CEP170B: variants seen among roughly 807,000 people sequenced by gnomAD.
CEP170B encodes the protein centrosomal protein of 170 kDa protein B.
In CEP170B, 55 loss-of-function variants were observed where a neutral mutation model predicts 120.6. The ratio of observed to expected loss-of-function variants is 0.46; its 90% confidence interval spans 0.37 to 0.57. The LOEUF (loss-of-function observed/expected upper bound fraction) is 0.57, where lower values mean the gene tolerates loss of function less well. Ranked by LOEUF, CEP170B falls within the 20% of genes least tolerant of loss-of-function variation. The pLI is 0.00. For missense variants in CEP170B, 2,212 were observed against 2,253.3 expected, an observed-to-expected ratio of 0.98 and a Z score of 0.37; for synonymous variants, 1,033 against 954.5, an observed-to-expected ratio of 1.08 and a Z score of -1.52.
chr14:104,889,559 G>A (rs777039158), intron 12 of CEP170B, 61 bp from the exon 13 acceptor site: 7 of 1,601,506 alleles, frequency 4.4e-6, no homozygotes, highest in Non-Finnish European at 5.9e-6. Context: ...GTCCACCTCT[G>A]AGGAGGAGTA....
chr14:104,878,357 T>C, intron 4 of CEP170B, 86 bp from the exon 5 acceptor site: 1 of 1,394,420 alleles, frequency 7.2e-7, no homozygotes, highest in South Asian at 1.2e-5. Context: ...GATGGGCCCT[T>C]GAGCTGGCAC....
intron 2 of CEP170B, among the ~76,000 whole-genome samples, chr14:104,873,463 C>T (rs1481717193): frequency 6.6e-6 from 1 of 151,490 alleles, no homozygotes. Context: ...TTGGGGCCTG[C>T]GGGAAAGGGG....
intron 13 of CEP170B, among the ~76,000 whole-genome samples, 198 bp from the exon 14 acceptor site, chr14:104,892,778 C>T (rs946873419): frequency 6.6e-6 from 1 of 152,264 alleles, no homozygotes. Context: ...GGAGTTTGGC[C>T]TCCCTTTGGG....
Position 104,865,279 on chromosome 14 carries a change from AC to A in CEP170B, c.-259del, listed in dbSNP as rs942372160. 1.4e-5 allele frequency: 2 copies of A among 143,278 alleles called. No individual in the cohort carries two copies. Among genetic ancestry groups the A allele is most frequent in the African/African-American group, 5.1e-5 (2 of 39,054 alleles). The allele number at this position is 143,278 out of a possible 1,614,324, so 8.9% of individuals were successfully genotyped here. The stretch of plus-strand genomic sequence containing the variant: ...GCTGAGCCTCCCGCAGACGTCAGGG[AC>A]CCGCGCGCGAGGCCGCCGGCGGCCG... On this transcript the variant is annotated 5_prime_UTR_variant, in exon 1 of 19. Coordinates refer to ENST00000414716, the MANE Select transcript of CEP170B (RefSeq NM_001112726.3). The surrounding 1 kb of genome is among the most constrained non-coding windows in gnomAD (Gnocchi z 6.7).
chr14:104,878,443 A>G lies in CEP170B; in HGVS notation c.275A>G (p.Asp92Gly). 1 of 1,612,608 alleles carries G rather than the reference A, an allele frequency of 6.2e-7. No homozygotes were observed. The highest frequency in any genetic ancestry group is 8.5e-7 in the Non-Finnish European group (1 of 1,179,598). ...KLNDVIRFGY[D>G]SNMYVLERVQ... ...TGTGTTCGCCTTAACACGTGTCCAC[A>G]TTCCAACATGTATGTGCTGGAGCGT... Residue 92 changes from aspartate (D) to glycine (G), a missense_variant and splice_region_variant, in exon 5 of 19, where the codon GAT (aspartate) becomes GGT (glycine). Physicochemically the swap from Asp to Gly is moderately conservative, Grantham distance 94. Around this residue, in one of 2 missense-constraint regions of CEP170B, gnomAD observed 2,166 missense variants for 2,166.7 expected, o/e 1.00. Transcript: ENST00000414716.
chr14:104,891,799 G>A lies in CEP170B; in HGVS notation c.3879-1177G>A, dbSNP rs1217986188. Among the ~76,000 whole-genome samples the A allele has an allele frequency of 3.9e-5, 6 of 152,110 alleles. No individual in the cohort carries two copies. The highest frequency in any genetic ancestry group is 5.9e-5 in the Non-Finnish European group (4 of 68,002). ...GGCAGGAGGCCAGGGAGTGCTGGGC[G>A]GGGGCCTGAGGGCCAGGGGCATGTG... On this transcript the variant is annotated intron_variant, in intron 13 of 18. Coordinates refer to ENST00000414716, the MANE Select transcript of CEP170B (RefSeq NM_001112726.3). The surrounding 1 kb of genome is among the most constrained non-coding windows in gnomAD (Gnocchi z 4.3).
At chr14:104,892,568 G>A (rs1162373814) in intron 13 of CEP170B, among the ~76,000 whole-genome samples, 2 of 151,884 alleles carry the variant, frequency 1.3e-5, no homozygotes, top group Non-Finnish European at 2.9e-5. Flanking sequence ...TTCTCTGCCT[G>A]CAGAGCTGGG....
upstream of CEP170B, chr14:104,865,204 G>T (rs1895138240): frequency 6.9e-6 from 1 of 144,624 alleles, no homozygotes; most frequent in Non-Finnish European, 1.5e-5. This position sits in a 1 kb window ranked among gnomAD's most constrained non-coding sequence, Gnocchi z 6.7. Context: ...CGGCCGGGCG[G>T]GGGCGGGGCG....
rs1203649502 is a variant in CEP170B, at chr14:104,886,981, G to A, written c.2742G>A (p.Leu914=). Residue 914 remains leucine, a synonymous_variant, in exon 12 of 19, where the codon TTG becomes TTA. Coordinates refer to ENST00000414716, the MANE Select transcript of CEP170B (RefSeq NM_001112726.3). ...DFHSQDTHLI[L]KETETALAAL... Reference sequence around the variant, plus strand: ...ACTCCCAGGACACCCACCTGATCTTGAAGGAGACGGAGACGGCCCTGGCGG... The same window carrying A: ...ACTCCCAGGACACCCACCTGATCTTAAAGGAGACGGAGACGGCCCTGGCGG... The A allele has an allele frequency of 1.2e-6, 2 of 1,609,102 alleles. No homozygotes were observed. The highest frequency in any genetic ancestry group is 4.5e-5 in the East Asian group (2 of 44,884).
In CEP170B at chr14:104,870,141, A is replaced by T. The variant is rs1329839783; in HGVS notation, c.105+1586A>T. The stretch of plus-strand genomic sequence containing the variant: ...CTGGTAAAGATTTTAGGTTTTATGG[A>T]CCACAAAGTATCCACTGCAGCCCAG... On this transcript the variant is annotated intron_variant, in intron 2 of 18. Transcript: ENST00000414716. This position sits in a 1 kb window ranked among gnomAD's most constrained non-coding sequence, Gnocchi z 4.1. Among the ~76,000 whole-genome samples the T allele has an allele frequency of 6.6e-6, 1 of 152,016 alleles. No homozygotes were observed. The highest frequency in any genetic ancestry group is 2.4e-5 in the African/African-American group (1 of 41,384).
In CEP170B at chr14:104,896,646, A is replaced by AT; in HGVS notation, c.*1690dup. 1 of 455,446 alleles carries AT rather than the reference A, an allele frequency of 2.2e-6. No homozygotes were observed. Among genetic ancestry groups the AT allele is most frequent in the Non-Finnish European group, 4.4e-6 (1 of 226,784 alleles). 28.2% of individuals were successfully genotyped at this position (455,446 alleles called of 1,614,324 possible). On this transcript the variant is annotated 3_prime_UTR_variant, in exon 19 of 19. Transcript: ENST00000414716. ...GGGCTTCTCGGAGGGTTCACTGTAC[A>AT]TTCGTTCTCAGGTGGTCTTGTGGCT...
chr14:104,889,991 TGGATAGGA>T (rs1896724033), intron 13 of CEP170B, among the ~76,000 whole-genome samples: 1 of 29,958 alleles, frequency 3.3e-5, no homozygotes, highest in African/African-American at 1.3e-4. Context: ...GGTGGATGGA[TGGATAGGA>T]GGGTGGGTGG....
Position 104,894,854 on chromosome 14 carries a change from C to G in CEP170B, c.4561C>G (p.Leu1521Val). The G allele has an allele frequency of 6.2e-7, 1 of 1,608,888 alleles. No individual in the cohort carries two copies. Among genetic ancestry groups the G allele is most frequent in the Non-Finnish European group, 8.5e-7 (1 of 1,178,426 alleles). The change falls in exon 19 of 19, where the codon CTG becomes GTG. Residue 1521 changes from leucine (L) to valine (V), a missense_variant. This residue lies in a region of CEP170B where 2,166 missense variants were observed against 2,166.7 expected (regional missense o/e 1.00). Transcript: ENST00000414716. ...CTCACCCGCCTCAGCCGAGGCCCTG[C>G]TGCCAGCCCTGCCCCTGAGGAATTT... ...PPSPASAEAL[L>V]PALPLRNFPQ...
chr14:104,877,842 C>CCGCG, intron 3 of CEP170B, 43 bp from the exon 4 acceptor site: 1 of 523,096 alleles, frequency 1.9e-6, no homozygotes, highest in South Asian at 2.2e-5. Context: ...AGCCACCCAC[C>CCGCG]CGCGCAGCTC....
chr14:104,887,732 T>A lies in CEP170B; in HGVS notation c.3493T>A (p.Ser1165Thr), dbSNP rs373521332. 1.3e-6 allele frequency: 2 copies of A among 1,584,954 alleles called. No individual in the cohort carries two copies. The highest frequency in any genetic ancestry group is 1.7e-6 in the Non-Finnish European group (2 of 1,167,202). Residue 1165 changes from serine to threonine, a missense_variant, in exon 12 of 19, where the codon TCA (serine) becomes ACA (threonine). Physicochemically the swap from Ser to Thr is moderately conservative, Grantham distance 58. This residue lies in a region of CEP170B where 2,166 missense variants were observed against 2,166.7 expected (regional missense o/e 1.00). Transcript: ENST00000414716. Reference protein sequence around the residue: ...RPAAEQAKKLSRLDILAMPRK... With the variant: ...RPAAEQAKKLTRLDILAMPRK... ...AGCTGCTGAGCAGGCCAAGAAGCTG[T>A]CACGCCTGGACATCCTGGCCATGCC...
In CEP170B at chr14:104,882,828, C is replaced by T. The variant is rs754113337; in HGVS notation, c.573C>T (p.Tyr191=). ...LPDAQRQGEP[Y]PERPKGPVQQ... ...ACGCCCAGCGCCAGGGAGAGCCCTA[C>T]CCAGGTTGGTCTTGGGGCCAGGCTG... The change falls in exon 7 of 19, where the codon TAC becomes TAT. Residue 191 remains tyrosine, a synonymous_variant. Transcript: ENST00000414716. The T allele has an allele frequency of 2.3e-5, 37 of 1,611,466 alleles. No homozygotes were observed. Among genetic ancestry groups the T allele is most frequent in the African/African-American group, 2.3e-4 (17 of 74,832 alleles).
chr14:104,886,994 ACGGCCCTGG>A lies in CEP170B; in HGVS notation c.2765_2773del (p.Ala922_Leu924del), dbSNP rs774807230. ...CCACCTGATCTTGAAGGAGACGGAG[ACGGCCCTGG>A]CGGCCCTGGAGGCCCGACTCCTCTC... On this transcript the variant is annotated inframe_deletion, in exon 12 of 19. Coordinates refer to ENST00000414716, the MANE Select transcript of CEP170B (RefSeq NM_001112726.3). 4.9e-5 allele frequency: 79 copies of A among 1,609,410 alleles called. No individual in the cohort carries two copies. The highest frequency in any genetic ancestry group is 6.5e-5 in the Non-Finnish European group (77 of 1,179,822).
chr14:104,887,703 G>T lies in CEP170B; in HGVS notation c.3464G>T (p.Arg1155Leu). 6.3e-7 allele frequency: 1 copy of T among 1,585,966 alleles called. No homozygotes were observed. Among genetic ancestry groups the T allele is most frequent in the Non-Finnish European group, 8.6e-7 (1 of 1,168,286 alleles). ...GSLGNPEPVGRPAAEQAKKLS... is the reference protein window; with the variant it reads ...GSLGNPEPVGLPAAEQAKKLS... The stretch of plus-strand genomic sequence containing the variant: ...CTGGGCAACCCTGAGCCCGTGGGCC[G>T]GCCAGCTGCTGAGCAGGCCAAGAAG... The change falls in exon 12 of 19, where the codon CGG becomes CTG. Residue 1155 changes from arginine (R) to leucine (L), a missense_variant. Transcript: ENST00000414716.
chr14:104,874,828 G>C (rs1367227989), intron 2 of CEP170B, among the ~76,000 whole-genome samples: 1 of 152,030 alleles, frequency 6.6e-6, no homozygotes, highest in Non-Finnish European at 1.5e-5. Flanking sequence ...CTGCTGGGTG[G>C]CAGTGGCACT....
Sources: gnomAD v4.1 joint callset for allele counts (sites outside exome capture counted in the v4.1 genomes callset) on GRCh38, gnomAD v4.1.1 for gene constraint, gnomAD v4.1.1 regional missense constraint, Gnocchi (gnomAD v3.1) non-coding constraint, MANE v1.5 for transcripts, NCBI Gene and HGNC (gene_info 2026-07-23, HGNC 2026-07-21) for gene names.